KLRF1: variants seen among roughly 807,000 people sequenced by gnomAD.
KLRF1 encodes the protein killer cell lectin-like receptor subfamily F member 1.
A neutral mutation model predicts 30.7 loss-of-function variants in KLRF1; 27 were observed. The ratio of observed to expected loss-of-function variants is 0.88; its 90% CI spans 0.65 to 1.21. KLRF1 has a LOEUF of 1.21. Among genes scored for constraint, KLRF1 ranks in the 50% most tolerant of loss-of-function variants. The pLI, the probability that KLRF1 is intolerant of heterozygous loss-of-function variation, is 0.00. For synonymous variants in KLRF1, 92 were observed against 89.3 expected (o/e 1.03, Z -0.17); for missense variants, 246 against 259.3 (o/e 0.95, Z 0.35).
chr12:9,842,565 T>A lies in KLRF1; in HGVS notation c.587+132T>A, dbSNP rs764380347. The A allele has an allele frequency of 1.2e-4, 85 of 714,238 alleles. 1 individual carries two copies. In the African/African-American group the frequency reaches 1.3e-3, roughly 11 times the overall value. 44.2% of individuals were successfully genotyped at this position (714,238 alleles called of 1,614,324 possible). On this transcript the variant is annotated intron_variant, in intron 5 of 5. Transcript: ENST00000617889. ...AAAAGAATGAAAATTAATTTAGTATTTACAGGAGTAATGATGGATAGTTTG... is the reference window on the plus strand; with the variant it reads ...AAAAGAATGAAAATTAATTTAGTATATACAGGAGTAATGATGGATAGTTTG...
chr12:9,812,277 A>G, the KLRF1 span, among the ~76,000 whole-genome samples: 4 of 150,120 alleles, frequency 2.7e-5, no homozygotes, highest in African/African-American at 9.8e-5. Context: ...AGGCAGGAGA[A>G]TGGTGTGAAT....
chr12:9,829,403 TTTTG>T (rs1261373884), intron 1 of KLRF1, among the ~76,000 whole-genome samples: 5 of 152,204 alleles, frequency 3.3e-5, no homozygotes, highest in African/African-American at 9.7e-5. Flanking sequence ...TTTTTTTCAT[TTTTG>T]TTTAACTTAC....
intron 3 of KLRF1, among the ~76,000 whole-genome samples, chr12:9,834,907 A>G (rs1867537028): frequency 1.3e-5 from 2 of 152,130 alleles, no homozygotes; most frequent in South Asian, 2.1e-4. Flanking sequence ...GTTTTGGAGG[A>G]TAACTGCAGC....
chr12:9,810,438 TA>T, the KLRF1 span, among the ~76,000 whole-genome samples: 10,611 of 152,300 alleles, frequency 0.07, 473 homozygotes, highest in East Asian at 0.2. Context: ...TTCACAAACT[TA>T]ATGACTATAT....
At chr12:9,831,553 A>C (rs1222223309) in intron 1 of KLRF1, among the ~76,000 whole-genome samples, 2 of 152,156 alleles carry the variant, frequency 1.3e-5, no homozygotes, top group Non-Finnish European at 2.9e-5. Flanking sequence ...ATTATCTTTG[A>C]TAAGGACAAA....
chr12:9,844,384 G>A (rs1867766604), intron 5 of KLRF1, 34 bp from the exon 6 acceptor site: 3 of 1,092,650 alleles, frequency 2.7e-6, no homozygotes, highest in Non-Finnish European at 4.2e-6. Flanking sequence ...TTCAGCTACA[G>A]TGATTAACAA....
chr12:9,831,079 G>A (rs1867413075), intron 1 of KLRF1, among the ~76,000 whole-genome samples: 1 of 151,840 alleles, frequency 6.6e-6, no homozygotes, highest in South Asian at 2.1e-4. Context: ...AAATAATTCA[G>A]TCTGAGTTGA....
At chr12:9,806,222 G>A in the KLRF1 span, among the ~76,000 whole-genome samples, 1 of 151,694 alleles carries the variant, frequency 6.6e-6, no homozygotes, top group Non-Finnish European at 1.5e-5. Context: ...ATTTTTATAT[G>A]TTTGCTTTAT....
chr12:9,812,622 C>G, the KLRF1 span, among the ~76,000 whole-genome samples: 1 of 152,142 alleles, frequency 6.6e-6, no homozygotes, highest in African/African-American at 2.4e-5. Flanking sequence ...AGTCCCTCAT[C>G]CTGCTATCTA....
chr12:9,813,113 T>C, the KLRF1 span, among the ~76,000 whole-genome samples: 107 of 150,894 alleles, frequency 7.1e-4, no homozygotes, highest in African/African-American at 2.4e-3. Flanking sequence ...TGGCATTCCC[T>C]CTTTTATGTC....
chr12:9,822,586 C>T (rs1000971412), upstream of KLRF1, among the ~76,000 whole-genome samples: 3 of 152,168 alleles, frequency 2.0e-5, no homozygotes, highest in African/African-American at 7.2e-5. Flanking sequence ...AACCAACTAA[C>T]AATACAATGA....
chr12:9,833,470 G>C lies in KLRF1; in HGVS notation c.334+18G>C. ...CCAGACAGGTATGTCTCAAGGCTTT[G>C]GCTTATCCTAGTTTTAATCTTTTGG... is the stretch of plus-strand genomic sequence containing the variant. On this transcript the variant is annotated intron_variant, in intron 3 of 5. Coordinates refer to ENST00000617889, the MANE Select transcript of KLRF1 (RefSeq NM_016523.3). 1 of 1,570,828 alleles carries C rather than the reference G, an allele frequency of 6.4e-7. No individual in the cohort carries two copies. The highest frequency in any genetic ancestry group is 1.7e-4 in the Middle Eastern group (1 of 5,854).
At chr12:9,821,342 C>T in the KLRF1 span, among the ~76,000 whole-genome samples, 30 of 152,238 alleles carry the variant, frequency 2.0e-4, no homozygotes, top group East Asian at 3.9e-4. Flanking sequence ...GCCTCTGCAG[C>T]GGTACTACTC....
rs775132278 is a variant in KLRF1 at position 9,832,377 on chromosome 12, T to A, written c.147T>A (p.Gly49=). Reference sequence around the variant, plus strand: ...TGGGAATATCTGGAACCGTGAATGGTATTCTCACTTTGACTTTGATCTCCT... The same window carrying A: ...TGGGAATATCTGGAACCGTGAATGGAATTCTCACTTTGACTTTGATCTCCT... ...ILLGISGTVN[G]ILTLTLISLI... is the part of the protein sequence containing the mutation. The change falls in exon 2 of 6, where the codon GGT becomes GGA. Residue 49 remains glycine, a synonymous_variant. Coordinates refer to ENST00000617889, the MANE Select transcript of KLRF1 (RefSeq NM_016523.3). The A allele has an allele frequency of 6.2e-7, 1 of 1,609,498 alleles. No homozygotes were observed. Among genetic ancestry groups the A allele is most frequent in the Non-Finnish European group, 8.5e-7 (1 of 1,176,328 alleles).
chr12:9,842,759 G>A (rs1867733435), intron 5 of KLRF1, among the ~76,000 whole-genome samples: 1 of 151,894 alleles, frequency 6.6e-6, no homozygotes, highest in African/African-American at 2.4e-5. Context: ...TGCATTTTTT[G>A]TGTTATGTGA....
rs752233821 is a variant in KLRF1, at chr12:9,832,308, T to C, written c.86-8T>C. On this transcript the variant is annotated splice_polypyrimidine_tract_variant and splice_region_variant and intron_variant, in intron 1 of 5. Transcript: ENST00000617889. ...TTTCTAAACTAATTCATGTGATTAA[T>C]GTCTCAGATTATTCAGTGACGTTGC... 9 of 1,471,036 alleles carry C rather than the reference T, an allele frequency of 6.1e-6. No individual in the cohort carries two copies. The African/African-American group carries it at 6.9e-5, about 11-fold the overall frequency. 91.1% of individuals were successfully genotyped at this position (1,471,036 alleles called of 1,614,324 possible). A position where few individuals can be genotyped will look rare whatever the true frequency, so the allele number is the denominator to read the frequency against.
Position 9,841,813 on chromosome 12 carries a change from A to G in KLRF1, c.336A>G (p.Val112=). 6.2e-7 allele frequency: 1 copy of G among 1,604,220 alleles called. No individual in the cohort carries two copies. The highest frequency in any genetic ancestry group is 8.5e-7 in the Non-Finnish European group (1 of 1,173,244). The part of the protein sequence containing the change: ...LCASRSADQT[V]LCQSEWLKYQ... The stretch of plus-strand genomic sequence containing the variant: ...TTTGTTTTCTACATTTCTCTGTAGT[A>G]CTATGCCAATCAGAATGGCTCAAAT... Residue 112 remains valine (V), a splice_region_variant and synonymous_variant, in exon 4 of 6, where the codon GTA becomes GTG. Coordinates refer to ENST00000617889, the MANE Select transcript of KLRF1 (RefSeq NM_016523.3).
intron 3 of KLRF1, among the ~76,000 whole-genome samples, chr12:9,837,942 A>C (rs116623393): frequency 0.02 from 3,055 of 152,298 alleles, 99 homozygotes; most frequent in African/African-American, 0.069. Context: ...AACCACCTAC[A>C]GCCAGGCCCC....
chr12:9,841,560 T>A (rs1271246758), intron 3 of KLRF1, among the ~76,000 whole-genome samples: 38 of 152,140 alleles, frequency 2.5e-4, no homozygotes, highest in Admixed American at 2.5e-3. Context: ...GCTATTTTAG[T>A]CAATATAATA....
Sources: gnomAD v4.1 joint callset for allele counts (sites outside exome capture counted in the v4.1 genomes callset) on GRCh38, gnomAD v4.1.1 for gene constraint, MANE v1.5 for transcripts, NCBI Gene and HGNC (gene_info 2026-07-23, HGNC 2026-07-21) for gene names.